Variants in SORCS3 observed in about 807,000 individuals in gnomAD.
The protein encoded by SORCS3 is VPS10 domain-containing receptor SorCS3.
Under a neutral mutation model 146.3 loss-of-function variants are expected in SORCS3, and 57 were observed. The observed-to-expected ratio is 0.39, with a 90% CI of 0.31 to 0.49. The LOEUF (loss-of-function observed/expected upper bound fraction) is 0.49. SORCS3 is among the 20% of genes least tolerant of loss of function. The pLI is 0.92. For synonymous variants in SORCS3, 653 were observed against 618.5 expected, an observed-to-expected ratio of 1.06 and a Z score of -0.83; for missense variants, 1,341 against 1,575.5, an observed-to-expected ratio of 0.85 and a Z score of 2.52.
chr10:104,821,420 G>A (rs2017871577), intron 1 of SORCS3, among the ~76,000 whole-genome samples: 1 of 152,174 alleles, frequency 6.6e-6, no homozygotes, highest in South Asian at 2.1e-4. Context: ...AGGGCAGGAA[G>A]AGAACATGTG....
chr10:104,921,493 C>CTG lies in SORCS3; in HGVS notation c.795+5562_795+5563insGT, dbSNP rs1267767892. 4.3e-4 allele frequency among the ~76,000 whole-genome samples: 56 copies of CTG among 128,854 alleles called. 1 individual carries two copies. Among genetic ancestry groups the CTG allele is most frequent in the African/African-American group, 2.0e-3 (49 of 24,936 alleles). The allele number at this position is 128,854 out of a possible 152,430, so 84.5% of individuals were successfully genotyped here. A position where few individuals can be genotyped will look rare whatever the true frequency, so the allele number is the denominator to read the frequency against. On this transcript the variant is annotated intron_variant, in intron 3 of 26. Transcript: ENST00000369701. ...TATAGTTAGAGGTACATGTCTCTCT[C>CTG]TCTCTCTCTCTGTGTGTGTGTGTGT...
intron 4 of SORCS3, among the ~76,000 whole-genome samples, chr10:105,003,982 T>A (rs1055601526): frequency 6.8e-6 from 1 of 147,274 alleles, no homozygotes. Flanking sequence ...TTTCCCCTCC[T>A]TTTTTTCTCT....
intron 7 of SORCS3, among the ~76,000 whole-genome samples, chr10:105,128,464 T>G (rs2055992107): frequency 6.6e-6 from 1 of 152,162 alleles, no homozygotes; most frequent in Admixed American, 6.5e-5. Context: ...GAAGCGTCCC[T>G]AATTCTCTAG....
intron 5 of SORCS3, among the ~76,000 whole-genome samples, chr10:105,069,898 A>G (rs2133725069): frequency 6.6e-6 from 1 of 152,020 alleles, no homozygotes; most frequent in African/African-American, 2.4e-5. Context: ...TTTCTTTCCA[A>G]GTCTCCCCCG....
intron 2 of SORCS3, among the ~76,000 whole-genome samples, chr10:104,852,680 C>T (rs571672518): frequency 4.6e-5 from 7 of 152,258 alleles, no homozygotes; most frequent in Middle Eastern, 3.4e-3. Flanking sequence ...CACAGCATAC[C>T]ACCTTTCCCT....
At chr10:104,932,006 G>A (rs1589554565) in intron 3 of SORCS3, among the ~76,000 whole-genome samples, 1 of 152,304 alleles carries the variant, frequency 6.6e-6, no homozygotes, top group African/African-American at 2.4e-5. Flanking sequence ...TGATGTCAGA[G>A]CAGAAACTTA....
At chr10:105,161,182 G>T (rs543176451) in intron 11 of SORCS3, among the ~76,000 whole-genome samples, 1 of 152,160 alleles carries the variant, frequency 6.6e-6, no homozygotes, top group South Asian at 2.1e-4. Context: ...GCCATGCCCT[G>T]GATCTTTGGG....
At chr10:105,166,002 C>T (rs891784689) in intron 12 of SORCS3, among the ~76,000 whole-genome samples, 2 of 152,150 alleles carry the variant, frequency 1.3e-5, no homozygotes, top group Non-Finnish European at 2.9e-5. Flanking sequence ...TATCACAGAA[C>T]CATCCTTTAA....
chr10:104,699,790 G>A (rs1379496848), intron 1 of SORCS3, among the ~76,000 whole-genome samples: 3 of 152,160 alleles, frequency 2.0e-5, no homozygotes, highest in African/African-American at 7.2e-5. Flanking sequence ...GGAAATTCTA[G>A]ATTGTTGGAA....
chr10:104,866,895 A>G (rs2018465097), intron 2 of SORCS3, among the ~76,000 whole-genome samples: 1 of 152,200 alleles, frequency 6.6e-6, no homozygotes, highest in South Asian at 2.1e-4. Flanking sequence ...AACAGGAAGA[A>G]TTAGACTTTA....
At chr10:104,728,037 A>G (rs956160227) in intron 1 of SORCS3, among the ~76,000 whole-genome samples, 2 of 144,780 alleles carry the variant, frequency 1.4e-5, no homozygotes, top group Non-Finnish European at 1.5e-5. Flanking sequence ...CTATCTATCT[A>G]TCTATCTATC....
intron 5 of SORCS3, among the ~76,000 whole-genome samples, chr10:105,064,972 T>C (rs190681111): frequency 4.7e-4 from 72 of 152,354 alleles, no homozygotes; most frequent in African/African-American, 1.6e-3. Context: ...TCATAGTGTA[T>C]ATATGACAGG....
chr10:105,039,994 T>C (rs147738831), intron 4 of SORCS3, among the ~76,000 whole-genome samples: 71 of 152,290 alleles, frequency 4.7e-4, no homozygotes, highest in African/African-American at 1.6e-3. Context: ...TTTGGTACTT[T>C]GCTATGTTTG....
intron 6 of SORCS3, among the ~76,000 whole-genome samples, chr10:105,102,868 C>T (rs2133751358): frequency 1.4e-5 from 2 of 139,190 alleles, no homozygotes; most frequent in Middle Eastern, 8.7e-3. Flanking sequence ...CGGCTCAGTG[C>T]AACCTCTGAC....
chr10:105,107,363 A>G (rs1350614911), intron 7 of SORCS3, among the ~76,000 whole-genome samples: 1 of 146,634 alleles, frequency 6.8e-6, no homozygotes. Flanking sequence ...TTATGAATTT[A>G]CCAGTCGGAT....
intron 1 of SORCS3, among the ~76,000 whole-genome samples, chr10:104,815,479 A>T (rs1446912374): frequency 2.8e-5 from 4 of 141,322 alleles, no homozygotes; most frequent in Non-Finnish European, 4.6e-5. Context: ...AAAGTCACCC[A>T]CTGGGTATCT....
chr10:105,032,672 A>C (rs965405976), intron 4 of SORCS3, among the ~76,000 whole-genome samples: 3 of 152,182 alleles, frequency 2.0e-5, no homozygotes, highest in Admixed American at 2.0e-4. Flanking sequence ...ATACTTAGAG[A>C]TAGTAATTTA....
At chr10:104,862,546 T>C (rs2133561875) in intron 2 of SORCS3, among the ~76,000 whole-genome samples, 1 of 152,340 alleles carries the variant, frequency 6.6e-6, no homozygotes, top group Admixed American at 6.5e-5. Flanking sequence ...TCCAGTTTGT[T>C]CTCCACTTGT....
chr10:105,035,777 A>T (rs2133699310), intron 4 of SORCS3, among the ~76,000 whole-genome samples: 1 of 152,286 alleles, frequency 6.6e-6, no homozygotes, highest in East Asian at 1.9e-4. Flanking sequence ...TCAAGTGCTT[A>T]TAGTAATTTT....
Sources: gnomAD v4.1 joint callset for allele counts (sites outside exome capture counted in the v4.1 genomes callset) on GRCh38, gnomAD v4.1.1 for gene constraint, MANE v1.5 for transcripts, NCBI Gene and HGNC (gene_info 2026-07-23, HGNC 2026-07-21) for gene names.